The following BEND6 variants were observed in gnomAD, a reference collection of about 807,000 sequenced individuals.
BEND6 encodes BEN domain-containing protein 6.
Under a neutral mutation model 31.8 loss-of-function variants are expected in BEND6, and 24 were observed. That is an observed-to-expected ratio of 0.75 (90% CI 0.55 to 1.06). BEND6 has a LOEUF of 1.06. Ranked by LOEUF, BEND6 falls within the 50% of genes least tolerant of loss-of-function variation. The pLI, the probability that BEND6 is intolerant of heterozygous loss-of-function variation, is 0.00. For synonymous variants in BEND6, 109 were observed against 114.6 expected (o/e 0.95, Z 0.31); for missense variants, 294 against 327.4 (o/e 0.90, Z 0.79).
chr6:56,987,447 G>A (rs1826323817), intron 2 of BEND6, among the ~76,000 whole-genome samples: 2 of 152,186 alleles, frequency 1.3e-5, no homozygotes, highest in Non-Finnish European at 2.9e-5. Flanking sequence ...GTGGCCCGGA[G>A]AGACACCATG....
intron 6 of BEND6, among the ~76,000 whole-genome samples, chr6:57,019,060 A>C (rs543197296): frequency 6.6e-6 from 1 of 152,352 alleles, no homozygotes; most frequent in Non-Finnish European, 1.5e-5. Context: ...TATTGGCTGA[A>C]GTGTGCAGCG....
intron 3 of BEND6, chr6:57,010,962 A>G (rs1677526136): frequency 2.5e-6 from 1 of 399,526 alleles, no homozygotes; most frequent in Admixed American, 6.4e-5. Context: ...AAGGGAGTTA[A>G]TAATAAAGCT....
chr6:56,998,855 C>G (rs974363738), intron 3 of BEND6, among the ~76,000 whole-genome samples: 2 of 152,030 alleles, frequency 1.3e-5, no homozygotes. Flanking sequence ...GAAGAGACAA[C>G]CTCTGAAATG....
At chr6:56,960,750 A>G (rs2127837148) in intron 1 of BEND6, among the ~76,000 whole-genome samples, 1 of 152,360 alleles carries the variant, frequency 6.6e-6, no homozygotes, top group African/African-American at 2.4e-5. Context: ...ACTGATGATT[A>G]GTAAAAGATG....
chr6:56,986,719 G>A (rs1045067010), intron 2 of BEND6, among the ~76,000 whole-genome samples: 4 of 152,142 alleles, frequency 2.6e-5, no homozygotes, highest in Admixed American at 2.6e-4. Context: ...CTTGGGAAGT[G>A]AACCAAGTTT....
In BEND6 at chr6:57,004,559, C is replaced by T. The variant is rs1422361635; in HGVS notation, c.299-10574C>T. 1.0e-5 allele frequency: 9 copies of T among 871,052 alleles called. 1 individual carries two copies. Among genetic ancestry groups the T allele is most frequent in the Admixed American group, 6.9e-5 (4 of 57,770 alleles). The allele number at this position is 871,052 out of a possible 1,614,324, so 54.0% of individuals were successfully genotyped here. On this transcript the variant is annotated intron_variant, in intron 3 of 6. Transcript: ENST00000370746. Reference sequence around the variant, plus strand: ...GACTACCACATGCCCCTCACAGGTGCGCCAGAACTACCACCAGGACTCAGA... The same window carrying T: ...GACTACCACATGCCCCTCACAGGTGTGCCAGAACTACCACCAGGACTCAGA...
intron 2 of BEND6, among the ~76,000 whole-genome samples, chr6:56,991,383 C>A (rs903787417): frequency 6.7e-6 from 1 of 149,852 alleles, no homozygotes; most frequent in African/African-American, 2.5e-5. Context: ...TTAATTTTTA[C>A]GTTGTTTTTG....
intron 3 of BEND6, among the ~76,000 whole-genome samples, chr6:57,011,456 C>G (rs1827337758): frequency 6.6e-6 from 1 of 152,040 alleles, no homozygotes; most frequent in Non-Finnish European, 1.5e-5. Context: ...TTGGGCCTAG[C>G]AAAGTGGCTC....
At chr6:56,995,224 A>T (rs941100270) in intron 3 of BEND6, among the ~76,000 whole-genome samples, 7 of 145,886 alleles carry the variant, frequency 4.8e-5, no homozygotes, top group Non-Finnish European at 7.6e-5. Flanking sequence ...CTCCCATTTA[A>T]AAAAAAAAAA....
At chr6:57,022,538 G>T (rs558629083) in intron 6 of BEND6, among the ~76,000 whole-genome samples, 24 of 151,802 alleles carry the variant, frequency 1.6e-4, no homozygotes, top group Middle Eastern at 3.4e-3. Flanking sequence ...TCTGGCTAAT[G>T]GTTTGCTGAT....
At chr6:57,002,386 T>A (rs546504062) in intron 3 of BEND6, among the ~76,000 whole-genome samples, 66 of 152,330 alleles carry the variant, frequency 4.3e-4, no homozygotes, top group Non-Finnish European at 6.5e-4. Flanking sequence ...CTACAGAATA[T>A]TCCACCCATC....
chr6:57,008,569 TA>T, intron 3 of BEND6: 1 of 225,274 alleles, frequency 4.4e-6, no homozygotes, highest in Non-Finnish European at 8.5e-6. Flanking sequence ...CACCATCTCT[TA>T]AAAAAAGAAA....
At chr6:56,958,133 C>A (rs755075032) in intron 1 of BEND6, among the ~76,000 whole-genome samples, 2 of 152,208 alleles carry the variant, frequency 1.3e-5, no homozygotes, top group Non-Finnish European at 2.9e-5. Context: ...ACTTTATAAT[C>A]CATAAGGCGT....
chr6:56,977,080 T>C (rs1054218621), intron 1 of BEND6, among the ~76,000 whole-genome samples: 4 of 152,224 alleles, frequency 2.6e-5, no homozygotes, highest in African/African-American at 9.6e-5. Flanking sequence ...AAAATAAATT[T>C]CATATGGCTC....
chr6:57,016,395 C>G (rs1040283875), intron 4 of BEND6, among the ~76,000 whole-genome samples: 1 of 152,186 alleles, frequency 6.6e-6, no homozygotes, highest in Admixed American at 6.5e-5. Flanking sequence ...AAGTCTGGTA[C>G]AGGTCTCACT....
chr6:56,993,851 C>A (rs770144460), intron 3 of BEND6, among the ~76,000 whole-genome samples: 2 of 152,084 alleles, frequency 1.3e-5, no homozygotes, highest in Non-Finnish European at 2.9e-5. Context: ...GCATGCACCA[C>A]CACACCCGAC....
chr6:57,025,561 A>C (rs920915243), intron 6 of BEND6, among the ~76,000 whole-genome samples: 2 of 152,212 alleles, frequency 1.3e-5, no homozygotes, highest in African/African-American at 4.8e-5. Flanking sequence ...ATCCATGCTC[A>C]GGGGACCTGT....
At position 56,981,891 on chromosome 6, in the gene BEND6, G is replaced by C. The variant is rs930150147; in HGVS notation, c.81G>C (p.Met27Ile). 6.2e-7 allele frequency: 1 copy of C among 1,612,382 alleles called. No homozygotes were observed. Among genetic ancestry groups the C allele is most frequent in the African/African-American group, 1.3e-5 (1 of 74,818 alleles). The change falls in exon 2 of 7, where the codon ATG becomes ATC. Residue 27 changes from methionine to isoleucine, a missense_variant. By Grantham distance (10) the Met-to-Ile change is conservative. Transcript: ENST00000370746. ...RKGKRKRTET[M>I]DSENANSDMD... ...GAAAGAGGAAAAGAACAGAGACAAT[G>C]GACTCAGAAAATGCAAATAGTGACA...
intron 2 of BEND6, among the ~76,000 whole-genome samples, chr6:56,986,348 G>A (rs569220608): frequency 2.0e-5 from 3 of 152,182 alleles, no homozygotes; most frequent in Admixed American, 6.5e-5. Context: ...TAAGGCGGGA[G>A]GACTGCTTGA....
Sources: gnomAD v4.1 joint callset for allele counts (sites outside exome capture counted in the v4.1 genomes callset) on GRCh38, gnomAD v4.1.1 for gene constraint, MANE v1.5 for transcripts, NCBI Gene and HGNC (gene_info 2026-07-23, HGNC 2026-07-21) for gene names.